The following ATXN7L1 variants were observed in gnomAD, a reference collection of about 807,000 sequenced individuals.
ATXN7L1 encodes ataxin 7 like 1, also known as ataxin-7-like protein 1.
A neutral mutation model predicts 70.8 loss-of-function variants in ATXN7L1; 15 were observed. The ratio of observed to expected loss-of-function variants is 0.21; its 90% CI spans 0.14 to 0.33. ATXN7L1 has a LOEUF of 0.33. Among genes scored for constraint, ATXN7L1 ranks in the 10% least tolerant of loss-of-function variants. The probability of loss-of-function intolerance (pLI) is 1.00; values close to 1 mark genes in which losing one functional copy is unlikely to be tolerated. For missense variants in ATXN7L1, 975 were observed against 1,097.1 expected, an observed-to-expected ratio of 0.89 and a Z score of 1.57; for synonymous variants, 440 against 445.1, an observed-to-expected ratio of 0.99 and a Z score of 0.14.
intron 3 of ATXN7L1, among the ~76,000 whole-genome samples, chr7:105,678,417 A>T (rs1011519348): frequency 6.6e-6 from 1 of 152,150 alleles, no homozygotes; most frequent in Non-Finnish European, 1.5e-5. Context: ...CATCCTAGTG[A>T]GCCCGTCAGT....
intron 3 of ATXN7L1, among the ~76,000 whole-genome samples, chr7:105,758,012 C>G (rs905212895): frequency 1.3e-5 from 2 of 151,758 alleles, no homozygotes; most frequent in African/African-American, 4.8e-5. Flanking sequence ...CAGGCCCTCT[C>G]TGGATCACTA....
intron 2 of ATXN7L1, among the ~76,000 whole-genome samples, chr7:105,865,563 A>G (rs901426351): frequency 6.6e-6 from 1 of 151,938 alleles, no homozygotes; most frequent in African/African-American, 2.4e-5. Context: ...CACCATACCC[A>G]GCTAATTTTT....
At chr7:105,800,122 G>A (rs1165660395) in intron 2 of ATXN7L1, among the ~76,000 whole-genome samples, 1 of 152,118 alleles carries the variant, frequency 6.6e-6, no homozygotes, top group Admixed American at 6.5e-5. Flanking sequence ...TTGTTTTAAG[G>A]TAATGGAAAA....
intron 3 of ATXN7L1, among the ~76,000 whole-genome samples, chr7:105,711,910 G>C (rs770214498): frequency 6.6e-6 from 1 of 152,228 alleles, no homozygotes; most frequent in Non-Finnish European, 1.5e-5. Context: ...TGAGGGCTCC[G>C]CCCCTGCAGC....
At chr7:105,627,801 G>A (rs986298706) in intron 7 of ATXN7L1, among the ~76,000 whole-genome samples, 2 of 149,812 alleles carry the variant, frequency 1.3e-5, no homozygotes, top group African/African-American at 4.9e-5. Context: ...CAAAGTGGTG[G>A]GATTACAGGC....
chr7:105,615,511 G>T (rs1188640951), intron 9 of ATXN7L1, among the ~76,000 whole-genome samples: 1 of 152,334 alleles, frequency 6.6e-6, no homozygotes, highest in Non-Finnish European at 1.5e-5. Flanking sequence ...AGGGGTTTGG[G>T]AATGGTGAGA....
intron 2 of ATXN7L1, among the ~76,000 whole-genome samples, chr7:105,820,308 G>A (rs1007343770): frequency 6.6e-6 from 1 of 152,110 alleles, no homozygotes; most frequent in African/African-American, 2.4e-5. Flanking sequence ...TATTCATACT[G>A]GGGTATAGAT....
At chr7:105,826,380 C>T (rs1416973315) in intron 2 of ATXN7L1, among the ~76,000 whole-genome samples, 1 of 152,174 alleles carries the variant, frequency 6.6e-6, no homozygotes, top group Non-Finnish European at 1.5e-5. Flanking sequence ...GAGTCCTTCC[C>T]AACTGTCCAA....
intron 2 of ATXN7L1, among the ~76,000 whole-genome samples, chr7:105,850,726 G>A (rs1249015187): frequency 2.4e-4 from 37 of 152,170 alleles, no homozygotes; most frequent in Admixed American, 2.4e-3. Context: ...TGGCCTGCCT[G>A]TTTGGAAAGT....
intron 11 of ATXN7L1, among the ~76,000 whole-genome samples, chr7:105,608,778 C>T (rs1234946312): frequency 6.6e-6 from 1 of 152,192 alleles, no homozygotes; most frequent in African/African-American, 2.4e-5. Flanking sequence ...CCAAACTCTA[C>T]CCAAGATTTG....
chr7:105,725,691 G>A (rs6973131), intron 3 of ATXN7L1, among the ~76,000 whole-genome samples: 12,085 of 150,452 alleles, frequency 0.08, 512 homozygotes, highest in South Asian at 0.16. Context: ...AGTGATTCTC[G>A]TGTTTCAGCC....
At chr7:105,611,978 C>T (rs975883760) in intron 10 of ATXN7L1, among the ~76,000 whole-genome samples, 4 of 152,180 alleles carry the variant, frequency 2.6e-5, no homozygotes, top group Admixed American at 6.5e-5. Flanking sequence ...CCAAGGCAGC[C>T]GTTAAATGCA....
intron 3 of ATXN7L1, among the ~76,000 whole-genome samples, chr7:105,721,380 C>T (rs1795165086): frequency 6.6e-6 from 1 of 152,164 alleles, no homozygotes; most frequent in African/African-American, 2.4e-5. Context: ...GGGTGCGAAG[C>T]GGAGCTGCTG....
At chr7:105,662,080 TTC>T (rs879327175) in intron 4 of ATXN7L1, among the ~76,000 whole-genome samples, 2,580 of 87,866 alleles carry the variant, frequency 0.029, 62 homozygotes, top group South Asian at 0.052. Flanking sequence ...CCTTCCTTCC[TTC>T]TTTCTTTTCT....
chr7:105,709,492 A>T (rs2116263695), intron 3 of ATXN7L1, among the ~76,000 whole-genome samples: 1 of 152,214 alleles, frequency 6.6e-6, no homozygotes, highest in Non-Finnish European at 1.5e-5. Flanking sequence ...ACCAACCCGA[A>T]GCCCACACCC....
At chr7:105,633,338 A>G (rs148067751) in intron 7 of ATXN7L1, among the ~76,000 whole-genome samples, 60 of 152,360 alleles carry the variant, frequency 3.9e-4, no homozygotes, top group African/African-American at 1.4e-3. Flanking sequence ...GAGCAAAGAC[A>G]TGTTCCAGGA....
At position 105,706,248 on chromosome 7, in the gene ATXN7L1, C is replaced by T. The variant is rs188627775; in HGVS notation, c.356-40960G>A. Among the ~76,000 whole-genome samples, 257 of 151,060 alleles carry T rather than the reference C, an allele frequency of 1.7e-3. 1 individual carries two copies. Among genetic ancestry groups the T allele is most frequent in the Middle Eastern group, 0.01 (3 of 290 alleles). ...TCGCCCTGTCGCCCAGGCTGGAGTG[C>T]AGTGGCACTATCTCAGCCCACTGCA... On this transcript the variant is annotated intron_variant, in intron 3 of 11. Transcript: ENST00000419735.
chr7:105,875,667 C>A, intron 2 of ATXN7L1, 145 bp downstream of exon 2: 3 of 262,372 alleles, frequency 1.1e-5, no homozygotes, highest in Admixed American at 5.0e-5. Context: ...AAGAAGTTAA[C>A]ATGAAGCAGT....
intron 3 of ATXN7L1, among the ~76,000 whole-genome samples, chr7:105,694,777 G>A (rs909032317): frequency 1.3e-5 from 2 of 152,186 alleles, no homozygotes; most frequent in African/African-American, 2.4e-5. Context: ...CTCCTGGCCC[G>A]GCCCTCCTTG....
Sources: gnomAD v4.1 joint callset for allele counts (sites outside exome capture counted in the v4.1 genomes callset) on GRCh38, gnomAD v4.1.1 for gene constraint, MANE v1.5 for transcripts, NCBI Gene and HGNC (gene_info 2026-07-23, HGNC 2026-07-21) for gene names.